Variants in PPP1R12A observed in about 807,000 individuals in gnomAD.
PPP1R12A encodes protein phosphatase 1 regulatory subunit 12A.
In PPP1R12A, 19 loss-of-function variants were observed where a neutral mutation model predicts 139.6. That is an observed-to-expected ratio of 0.14 (90% confidence interval 0.09 to 0.20). PPP1R12A has a LOEUF of 0.20. Among genes scored for constraint, PPP1R12A ranks in the 10% least tolerant of loss-of-function variants. PPP1R12A has a pLI of 1.00. For synonymous variants in PPP1R12A, 427 were observed against 420.6 expected (o/e 1.02, Z -0.19); for missense variants, 925 against 1,211.5 (o/e 0.76, Z 3.51).
At chr12:79,899,463 T>G (rs565485018) in intron 1 of PPP1R12A, among the ~76,000 whole-genome samples, 1 of 152,184 alleles carries the variant, frequency 6.6e-6, no homozygotes, top group East Asian at 1.9e-4. Flanking sequence ...ATTCTAAAAC[T>G]TCATGTAAAT....
At chr12:79,805,950 T>A in intron 13 of PPP1R12A, 182 bp from the exon 14 acceptor site, 1 of 917,514 alleles carries the variant, frequency 1.1e-6, no homozygotes, top group Non-Finnish European at 1.6e-6. Context: ...GAAATTTACA[T>A]TTTAAGCAGT....
Position 79,796,894 on chromosome 12 carries a change from T to G in PPP1R12A, c.2349A>C (p.Ser783=). Residue 783 remains serine (S), a synonymous_variant, in exon 17 of 25, where the codon TCA becomes TCC. Transcript: ENST00000450142. ...ACAGTGAACTGCTCATAGTAGAAAGTGAAGAGGATGGAGTGGTTGAACTTG... is the reference window on the plus strand; with the variant it reads ...ACAGTGAACTGCTCATAGTAGAAAGGGAAGAGGATGGAGTGGTTGAACTTG... ...STSSSTTPSS[S]LSTMSSSLYA... is the part of the protein sequence containing the mutation. 1 of 1,612,704 alleles carries G rather than the reference T, an allele frequency of 6.2e-7. No individual in the cohort carries two copies. Among genetic ancestry groups the G allele is most frequent in the Non-Finnish European group, 8.5e-7 (1 of 1,178,938 alleles).
At chr12:79,780,928 CT>C (rs776095865) in intron 23 of PPP1R12A, among the ~76,000 whole-genome samples, 4 of 151,432 alleles carry the variant, frequency 2.6e-5, no homozygotes, top group Non-Finnish European at 5.9e-5. Context: ...AACCATTTCT[CT>C]TTTTTTTGGT....
chr12:79,926,041 G>A (rs974212370), intron 1 of PPP1R12A, among the ~76,000 whole-genome samples: 1 of 152,108 alleles, frequency 6.6e-6, no homozygotes, highest in African/African-American at 2.4e-5. Flanking sequence ...GATTACAGGT[G>A]TGAGCCACTG....
chr12:79,810,024 A>AT lies in PPP1R12A; in HGVS notation c.1240-15dup, dbSNP rs766092807. On this transcript the variant is annotated splice_polypyrimidine_tract_variant and intron_variant, in intron 9 of 24. Coordinates refer to ENST00000450142, the MANE Select transcript of PPP1R12A (RefSeq NM_002480.3). ...TGTGGTTGGAAACTGTGTTTATTTT[A>AT]TTTTTTAGGAAAAGAAAAAAGAATT... 6.3e-7 allele frequency: 1 copy of AT among 1,577,712 alleles called. No homozygotes were observed. The highest frequency in any genetic ancestry group is 1.2e-5 in the South Asian group (1 of 86,042).
chr12:79,782,877 C>G (rs546629778), intron 22 of PPP1R12A, among the ~76,000 whole-genome samples: 1 of 152,294 alleles, frequency 6.6e-6, no homozygotes, highest in African/African-American at 2.4e-5. Flanking sequence ...CACAATTTCA[C>G]TGTTAAATGT....
At chr12:79,935,315 A>G, upstream of PPP1R12A, 2 of 1,042,302 alleles carry the variant, frequency 1.9e-6, no homozygotes, top group South Asian at 3.7e-5. Flanking sequence ...CACCAGAGGG[A>G]AGCGGGTGTG....
chr12:79,924,926 T>C (rs1238002687), intron 1 of PPP1R12A, among the ~76,000 whole-genome samples: 1 of 152,208 alleles, frequency 6.6e-6, no homozygotes, highest in Non-Finnish European at 1.5e-5. Flanking sequence ...CATATTCCAG[T>C]TAAGAATAAG....
chr12:79,809,130 AAACTGATAAAAAAGC>A (rs1376346773), intron 10 of PPP1R12A, among the ~76,000 whole-genome samples: 1 of 152,142 alleles, frequency 6.6e-6, no homozygotes, highest in Non-Finnish European at 1.5e-5. Context: ...ACTGCACAGT[AAACTGATAAAAAAGC>A]AAAAATATTA....
intron 20 of PPP1R12A, among the ~76,000 whole-genome samples, chr12:79,789,151 T>C (rs2136999537): frequency 6.6e-6 from 1 of 152,088 alleles, no homozygotes; most frequent in East Asian, 1.9e-4. Flanking sequence ...AGGCTGGTCT[T>C]GAACTCCTGG....
At chr12:79,865,383 GA>G (rs1439691648) in intron 2 of PPP1R12A, among the ~76,000 whole-genome samples, 1 of 152,136 alleles carries the variant, frequency 6.6e-6, no homozygotes, top group Admixed American at 6.5e-5. Context: ...GCAAAAACTG[GA>G]AGCATTCCAT....
At chr12:79,886,099 G>A (rs1033631665) in intron 1 of PPP1R12A, among the ~76,000 whole-genome samples, 12 of 152,244 alleles carry the variant, frequency 7.9e-5, no homozygotes, top group African/African-American at 1.4e-4. Flanking sequence ...CATTCAGGGC[G>A]ACATAAATGT....
chr12:79,813,074 G>C (rs1307375703), intron 9 of PPP1R12A, among the ~76,000 whole-genome samples: 1 of 152,154 alleles, frequency 6.6e-6, no homozygotes. Flanking sequence ...TCATGGCATT[G>C]TTCAAACATC....
chr12:79,867,603 A>G (rs1882116039), intron 2 of PPP1R12A, among the ~76,000 whole-genome samples: 1 of 152,132 alleles, frequency 6.6e-6, no homozygotes, highest in South Asian at 2.1e-4. Flanking sequence ...GTACATAAGG[A>G]GAAATAATAA....
intron 1 of PPP1R12A, among the ~76,000 whole-genome samples, chr12:79,892,982 T>C (rs1028733492): frequency 6.6e-6 from 1 of 151,904 alleles, no homozygotes; most frequent in African/African-American, 2.4e-5. Flanking sequence ...CGAGTGCCTG[T>C]AATCCCAGCT....
chr12:79,804,614 TA>T (rs1226641424), intron 14 of PPP1R12A, among the ~76,000 whole-genome samples: 1 of 151,234 alleles, frequency 6.6e-6, no homozygotes, highest in South Asian at 2.1e-4. Flanking sequence ...GTGACAGAAA[TA>T]AAACAAAGTT....
At chr12:79,827,567 G>C (rs1222304337) in intron 5 of PPP1R12A, among the ~76,000 whole-genome samples, 1 of 152,114 alleles carries the variant, frequency 6.6e-6, no homozygotes, top group Non-Finnish European at 1.5e-5. Context: ...GAAGAGACTA[G>C]CAGGAATACT....
At position 79,775,914 on chromosome 12, in the gene PPP1R12A, C is replaced by A; in HGVS notation, c.*15G>T. 6.8e-7 allele frequency: 1 copy of A among 1,467,290 alleles called. No homozygotes were observed. Among genetic ancestry groups the A allele is most frequent in the Non-Finnish European group, 9.3e-7 (1 of 1,074,232 alleles). The allele number at this position is 1,467,290 out of a possible 1,614,324, so 90.9% of individuals were successfully genotyped here. A position where few individuals can be genotyped will look rare whatever the true frequency, so the allele number is the denominator to read the frequency against. On this transcript the variant is annotated 3_prime_UTR_variant, in exon 25 of 25. Coordinates refer to ENST00000450142, the MANE Select transcript of PPP1R12A (RefSeq NM_002480.3). ...CTAATATGTGCAATTCCATTACTTG[C>A]TGCTTTTTTTTTTTTTATTTGGAAA...
intron 1 of PPP1R12A, among the ~76,000 whole-genome samples, chr12:79,882,612 G>A (rs544083999): frequency 6.6e-6 from 1 of 152,270 alleles, no homozygotes; most frequent in African/African-American, 2.4e-5. Context: ...TTTAGAAAAT[G>A]ACATAAACTT....
Sources: gnomAD v4.1 joint callset for allele counts (sites outside exome capture counted in the v4.1 genomes callset) on GRCh38, gnomAD v4.1.1 for gene constraint, MANE v1.5 for transcripts, NCBI Gene and HGNC (gene_info 2026-07-23, HGNC 2026-07-21) for gene names.